The following SPATA13 variants were observed in gnomAD, a reference collection of about 807,000 sequenced individuals.
The protein encoded by SPATA13 is spermatogenesis associated 13, also known as spermatogenesis-associated protein 13.
A neutral mutation model predicts 104.0 loss-of-function variants in SPATA13; 50 were observed. The observed-to-expected ratio is 0.48, with a 90% CI of 0.38 to 0.61. The LOEUF (loss-of-function observed/expected upper bound fraction) is 0.61. SPATA13 is among the 20% of genes least tolerant of loss of function. The pLI, the probability that SPATA13 is intolerant of heterozygous loss-of-function variation, is 0.00. For missense variants in SPATA13, 1,524 were observed against 1,690.6 expected (o/e 0.90, Z 1.73); for synonymous variants, 606 against 667.5 (o/e 0.91, Z 1.42).
chr13:24,123,699 A>T, intron 3 of SPATA13: 1 of 1,572,300 alleles, frequency 6.4e-7, no homozygotes, highest in African/African-American at 1.4e-5. Flanking sequence ...TTCTTGCCAA[A>T]GTTCCTCATC....
intron 4 of SPATA13, among the ~76,000 whole-genome samples, chr13:24,279,507 C>G (rs4769339): frequency 0.17 from 26,246 of 151,996 alleles, 2,343 homozygotes; most frequent in Middle Eastern, 0.26. Context: ...GGAGGGAGCC[C>G]GAAGCTGGAT....
intron 3 of SPATA13, among the ~76,000 whole-genome samples, chr13:24,113,883 A>AG (rs1360485918): frequency 6.6e-6 from 1 of 151,580 alleles, no homozygotes; most frequent in Non-Finnish European, 1.5e-5. Flanking sequence ...AAAAAAAAAA[A>AG]AAAAAAAGAA....
At chr13:24,254,943 A>G (rs1443258573) in intron 4 of SPATA13, among the ~76,000 whole-genome samples, 1 of 152,128 alleles carries the variant, frequency 6.6e-6, no homozygotes, top group Non-Finnish European at 1.5e-5. Context: ...CTCTTGCAAT[A>G]AGGATTCATG....
At chr13:24,169,946 A>C (rs571188723) in intron 1 of SPATA13, among the ~76,000 whole-genome samples, 1 of 152,320 alleles carries the variant, frequency 6.6e-6, no homozygotes, top group South Asian at 2.1e-4. Context: ...TGGAGGAGAA[A>C]GCAAGAACTC....
In SPATA13 at chr13:24,307,013, T is replaced by C. The variant is rs1319874186; in HGVS notation, c.*4240T>C. ...ATTTACAATGTTATTTGAATGATTTTTTTAAATGCTGTGAATCTATATTTG... is the reference window on the plus strand; with the variant it reads ...ATTTACAATGTTATTTGAATGATTTCTTTAAATGCTGTGAATCTATATTTG... On this transcript the variant is annotated 3_prime_UTR_variant, in exon 13 of 13. Transcript: ENST00000382108. 1.3e-5 allele frequency: 2 copies of C among 152,284 alleles called. No homozygotes were observed. Among genetic ancestry groups the C allele is most frequent in the Non-Finnish European group, 2.9e-5 (2 of 68,052 alleles). 9.4% of individuals were successfully genotyped at this position (152,284 alleles called of 1,614,324 possible).
At chr13:24,117,244 AT>A in intron 3 of SPATA13, among the ~76,000 whole-genome samples, 1 of 152,370 alleles carries the variant, frequency 6.6e-6, no homozygotes, top group South Asian at 2.1e-4. Flanking sequence ...CTATGTAGAT[AT>A]AGAACATAGT....
At chr13:24,050,769 C>T (rs1270015278) in intron 3 of SPATA13, among the ~76,000 whole-genome samples, 3 of 152,330 alleles carry the variant, frequency 2.0e-5, no homozygotes, top group East Asian at 1.9e-4. Flanking sequence ...GTGACTCCCG[C>T]GCTGGCAGGA....
At chr13:24,299,794 C>T (rs1877055392) in intron 11 of SPATA13, among the ~76,000 whole-genome samples, 2 of 152,236 alleles carry the variant, frequency 1.3e-5, no homozygotes. Flanking sequence ...TCCTTCCCCA[C>T]ACCCTGCGAA....
chr13:24,029,389 C>T (rs374598854), intron 3 of SPATA13, among the ~76,000 whole-genome samples: 10 of 152,146 alleles, frequency 6.6e-5, no homozygotes, highest in African/African-American at 2.4e-4. Flanking sequence ...AGTGTGAAAT[C>T]AAGACCCAAA....
rs1307740627 is a variant in SPATA13, at chr13:24,101,497, CAA to C, written c.-112+83797_-112+83798del. On this transcript the variant is annotated intron_variant, in intron 3 of 14. Coordinates refer to the SPATA13 transcript ENST00000424834. ...TTTTTTAAATTGTGGTGAAAAAAAA[CAA>C]CACATAAAACTTACCACCTTAACCA... Among the ~76,000 whole-genome samples the C allele has an allele frequency of 1.5e-3, 97 of 63,916 alleles. 1 individual carries two copies. Among genetic ancestry groups the C allele is most frequent in the African/African-American group, 3.9e-3 (85 of 21,980 alleles). The allele number at this position is 63,916 out of a possible 152,430, so 41.9% of individuals were successfully genotyped here. A position where few individuals can be genotyped will look rare whatever the true frequency, so the allele number is the denominator to read the frequency against.
At chr13:24,077,599 G>C (rs1357238309) in intron 3 of SPATA13, among the ~76,000 whole-genome samples, 1 of 151,868 alleles carries the variant, frequency 6.6e-6, no homozygotes, top group Non-Finnish European at 1.5e-5. Flanking sequence ...AACATGCACA[G>C]GGATCTGCTG....
At chr13:23,992,502 C>T (rs944214986) in intron 2 of SPATA13, among the ~76,000 whole-genome samples, 6 of 152,126 alleles carry the variant, frequency 3.9e-5, no homozygotes, top group African/African-American at 1.4e-4. Context: ...TCCACGAAGT[C>T]TTCAGGGATC....
Position 24,171,012 on chromosome 13 carries a change from A to G in SPATA13, c.-112+10080A>G, listed in dbSNP as rs1342321664. ...AGTGCGGGATTCAGAAAGAACAAGC[A>G]TGGAACACATTCCTCCATGCCCCTT... On this transcript the variant is annotated intron_variant, in intron 1 of 12. Coordinates refer to ENST00000382108, the MANE Select transcript of SPATA13 (RefSeq NM_001166271.3). Among the ~76,000 whole-genome samples, 5 of 152,130 alleles carry G rather than the reference A, an allele frequency of 3.3e-5. No individual in the cohort carries two copies. The South Asian group carries it at 6.2e-4, about 19-fold the overall frequency.
At chr13:24,152,994 G>A (rs1882147425) in intron 3 of SPATA13, among the ~76,000 whole-genome samples, 1 of 152,222 alleles carries the variant, frequency 6.6e-6, no homozygotes, top group African/African-American at 2.4e-5. Flanking sequence ...TGTGACAAAG[G>A]TCAACATGCA....
Position 24,304,643 on chromosome 13 carries a change from A to G in SPATA13, c.*1870A>G, listed in dbSNP as rs1222394748. 6.6e-6 allele frequency: 1 copy of G among 152,204 alleles called. No homozygotes were observed. The highest frequency in any genetic ancestry group is 1.5e-5 in the Non-Finnish European group (1 of 68,052). 9.4% of individuals were successfully genotyped at this position (152,204 alleles called of 1,614,324 possible). A position where few individuals can be genotyped will look rare whatever the true frequency, so the allele number is the denominator to read the frequency against. ...AAACATAACCTTGGTCCTCAGGTGA[A>G]CCCTTGGAACATTCTGTGACCGCCT... On this transcript the variant is annotated 3_prime_UTR_variant, in exon 13 of 13. Transcript: ENST00000382108.
At chr13:24,294,307 A>C (rs1325782122) in intron 9 of SPATA13, among the ~76,000 whole-genome samples, 1 of 152,138 alleles carries the variant, frequency 6.6e-6, no homozygotes, top group Non-Finnish European at 1.5e-5. Context: ...AAAGATGAAG[A>C]CTCAGAGCAA....
intron 3 of SPATA13, among the ~76,000 whole-genome samples, chr13:24,106,450 C>A (rs986307671): frequency 2.6e-5 from 4 of 152,204 alleles, no homozygotes; most frequent in African/African-American, 9.7e-5. Flanking sequence ...AACCATTCCA[C>A]CATTGACATG....
intron 1 of SPATA13, among the ~76,000 whole-genome samples, chr13:24,190,774 T>C (rs899095645): frequency 1.3e-5 from 2 of 152,174 alleles, no homozygotes; most frequent in Admixed American, 1.3e-4. Context: ...TGAACACGGT[T>C]GAAATGACAA....
Position 24,160,834 on chromosome 13 carries a change from G to C in SPATA13, c.-210G>C. 2.0e-6 allele frequency: 2 copies of C among 985,366 alleles called. No homozygotes were observed. Among genetic ancestry groups the C allele is most frequent in the Non-Finnish European group, 2.4e-6 (2 of 829,890 alleles). 61.0% of individuals were successfully genotyped at this position (985,366 alleles called of 1,614,324 possible). On this transcript the variant is annotated 5_prime_UTR_variant, in exon 1 of 13. Transcript: ENST00000382108. The stretch of plus-strand genomic sequence containing the variant: ...GGATCCCAGGCTCCTCCGAGAGTGC[G>C]GCGACCTCGGGGCTCCGCCGGCACC...
Sources: gnomAD v4.1 joint callset for allele counts (sites outside exome capture counted in the v4.1 genomes callset) on GRCh38, gnomAD v4.1.1 for gene constraint, MANE v1.5 for transcripts, NCBI Gene and HGNC (gene_info 2026-07-23, HGNC 2026-07-21) for gene names.